SMURF2: variants seen among roughly 807,000 people sequenced by gnomAD.
SMURF2 encodes the protein SMAD specific E3 ubiquitin protein ligase 2, also known as E3 ubiquitin-protein ligase SMURF2.
Under a neutral mutation model 109.6 loss-of-function variants are expected in SMURF2, and 48 were observed. The ratio of observed to expected loss-of-function variants is 0.44; its 90% CI spans 0.35 to 0.56. SMURF2 has a LOEUF of 0.56. Among genes scored for constraint, SMURF2 ranks in the 20% least tolerant of loss-of-function variants. The pLI, the probability that SMURF2 is intolerant of heterozygous loss-of-function variation, is 0.01. For missense variants in SMURF2, 575 were observed against 909.0 expected (o/e 0.63, Z 4.72); for synonymous variants, 288 against 317.1 (o/e 0.91, Z 0.97).
chr17:64,564,017 C>T (rs1028223267), intron 10 of SMURF2, among the ~76,000 whole-genome samples: 1 of 152,088 alleles, frequency 6.6e-6, no homozygotes, highest in Non-Finnish European at 1.5e-5. Context: ...ATGTAAATAT[C>T]TAAAGAAGCT....
intron 8 of SMURF2, 46 bp from the exon 9 acceptor site, chr17:64,578,622 A>C: frequency 7.6e-7 from 1 of 1,323,334 alleles, no homozygotes; most frequent in Non-Finnish European, 1.1e-6. Flanking sequence ...CAGAGTGTCC[A>C]GATCAAAGAC....
intron 1 of SMURF2, among the ~76,000 whole-genome samples, chr17:64,625,971 C>T (rs1362953948): frequency 6.6e-6 from 1 of 152,056 alleles, no homozygotes; most frequent in Non-Finnish European, 1.5e-5. Context: ...CATTAAGAAC[C>T]TCATTAAAGA....
intron 16 of SMURF2, among the ~76,000 whole-genome samples, chr17:64,550,961 G>C (rs1278305500): frequency 5.3e-5 from 8 of 152,044 alleles, no homozygotes; most frequent in Admixed American, 1.3e-4. Flanking sequence ...CACTAAGTTA[G>C]GGAATAGACA....
chr17:64,583,536 T>C lies in SMURF2; in HGVS notation c.494A>G (p.Glu165Gly). 1 of 1,613,630 alleles carries C rather than the reference T, an allele frequency of 6.2e-7. No individual in the cohort carries two copies. Among genetic ancestry groups the C allele is most frequent in the Non-Finnish European group, 8.5e-7 (1 of 1,179,556 alleles). The part of the protein sequence containing the change: ...FDNDLPDGWE[E>G]RRTASGRIQY... ...GATTCTTCCAGAGGCGGTTCTCCTTTCTTCCCAGCTTAAATAAAAATATTG... is the reference window on the plus strand; with the variant it reads ...GATTCTTCCAGAGGCGGTTCTCCTTCCTTCCCAGCTTAAATAAAAATATTG... Residue 165 changes from glutamate to glycine, a missense_variant, in exon 7 of 19, where the codon GAA (glutamate) becomes GGA (glycine). By Grantham distance (98) the Glu-to-Gly change is moderately conservative. Transcript: ENST00000262435.
At chr17:64,636,151 T>A (rs902634799) in intron 1 of SMURF2, among the ~76,000 whole-genome samples, 2 of 152,340 alleles carry the variant, frequency 1.3e-5, no homozygotes, top group South Asian at 4.1e-4. Context: ...CTTTGCCCTT[T>A]TTTTTGAAAT....
At chr17:64,586,750 CAAAAAAAAAAAAAA>C (rs782490512) in intron 5 of SMURF2, among the ~76,000 whole-genome samples, 3 of 27,462 alleles carry the variant, frequency 1.1e-4, no homozygotes, top group Non-Finnish European at 2.3e-4. Flanking sequence ...GACTCCGTCT[CAAAAAAAAAAAAAA>C]AAAAAAAAAA....
chr17:64,643,049 G>A (rs182732419), intron 1 of SMURF2, among the ~76,000 whole-genome samples: 5 of 152,194 alleles, frequency 3.3e-5, no homozygotes, highest in Non-Finnish European at 7.4e-5. Context: ...CTTTGAGATA[G>A]GTTCTCGCTC....
intron 1 of SMURF2, among the ~76,000 whole-genome samples, chr17:64,659,853 G>A (rs1057069448): frequency 1.3e-5 from 2 of 152,128 alleles, no homozygotes; most frequent in Admixed American, 6.5e-5. Context: ...AAAGAAGGAA[G>A]GACAATGTTT....
rs552410830 is a variant in SMURF2 at position 64,623,020 on chromosome 17, A to G, written c.53-16380T>C. Among the ~76,000 whole-genome samples, 68 of 152,242 alleles carry G rather than the reference A, an allele frequency of 4.5e-4. No individual in the cohort carries two copies. The South Asian group carries it at 0.014, about 31-fold the overall frequency. On this transcript the variant is annotated intron_variant, in intron 1 of 18. Coordinates refer to ENST00000262435, the MANE Select transcript of SMURF2 (RefSeq NM_022739.4). ...TGCTCAAATTTTTCCAGCTTTGGCC[A>G]TTGGGAGCTCTTTCCATTGGTTCGT...
chr17:64,630,641 GT>G (rs1279010785), intron 1 of SMURF2, among the ~76,000 whole-genome samples: 2 of 152,178 alleles, frequency 1.3e-5, no homozygotes, highest in Admixed American at 6.5e-5. Context: ...TCCACCCAGA[GT>G]TGAAACAATT....
intron 5 of SMURF2, among the ~76,000 whole-genome samples, chr17:64,586,668 T>G (rs1290564660): frequency 1.4e-5 from 2 of 147,682 alleles, no homozygotes; most frequent in Non-Finnish European, 3.0e-5. Context: ...GGAGAATCGC[T>G]TGAACCTGGG....
chr17:64,547,477 T>A lies in SMURF2; in HGVS notation c.2071+123A>T. ...AGAAGAAGGTATCACAATGTGAGAGTCACAGATAAGAAGTGAAAAAGAGAA... is the reference window on the plus strand; with the variant it reads ...AGAAGAAGGTATCACAATGTGAGAGACACAGATAAGAAGTGAAAAAGAGAA... On this transcript the variant is annotated intron_variant, in intron 17 of 18. Transcript: ENST00000262435. This position sits in a 1 kb window ranked among gnomAD's most constrained non-coding sequence, Gnocchi z 4.2. 1 of 775,674 alleles carries A rather than the reference T, an allele frequency of 1.3e-6. No homozygotes were observed. Among genetic ancestry groups the A allele is most frequent in the Non-Finnish European group, 2.1e-6 (1 of 478,750 alleles). 48.0% of individuals were successfully genotyped at this position (775,674 alleles called of 1,614,324 possible). A position where few individuals can be genotyped will look rare whatever the true frequency, so the allele number is the denominator to read the frequency against.
At chr17:64,656,642 T>C (rs1472165692) in intron 1 of SMURF2, among the ~76,000 whole-genome samples, 1 of 151,258 alleles carries the variant, frequency 6.6e-6, no homozygotes, top group Admixed American at 6.6e-5. Flanking sequence ...ACTATTTTTA[T>C]GGAAGCATCC....
At chr17:64,557,830 G>A in intron 12 of SMURF2, 108 bp from the exon 13 acceptor site, 5 of 607,916 alleles carry the variant, frequency 8.2e-6, no homozygotes, top group African/African-American at 1.9e-5. Context: ...ATTAATAAAA[G>A]GCAAAAAAGC....
In SMURF2 at chr17:64,626,792, C is replaced by T. The variant is rs1342442874; in HGVS notation, c.53-20152G>A. Among the ~76,000 whole-genome samples, 14 of 152,006 alleles carry T rather than the reference C, an allele frequency of 9.2e-5. No homozygotes were observed. In the East Asian group the frequency reaches 2.7e-3, roughly 29 times the overall value. On this transcript the variant is annotated intron_variant, in intron 1 of 18. Coordinates refer to ENST00000262435, the MANE Select transcript of SMURF2 (RefSeq NM_022739.4). Reference sequence around the variant, plus strand: ...ACAAAACAAAACAAAACAAAACTTACCTGAACACAATCTCACTTTGTCATT... The same window carrying T: ...ACAAAACAAAACAAAACAAAACTTATCTGAACACAATCTCACTTTGTCATT...
In SMURF2 at chr17:64,543,020, T is replaced by A. The variant is rs191709164; in HGVS notation, c.*2828A>T. On this transcript the variant is annotated 3_prime_UTR_variant, in exon 19 of 19. Coordinates refer to ENST00000262435, the MANE Select transcript of SMURF2 (RefSeq NM_022739.4). ...CATTCATGATGGAAAGGCAAGAGTA[T>A]GAAAACAGATATCACATATCTGAAA... 6.6e-6 allele frequency: 1 copy of A among 151,924 alleles called. No individual in the cohort carries two copies. Among genetic ancestry groups the A allele is most frequent in the African/African-American group, 2.4e-5 (1 of 41,322 alleles). The allele number at this position is 151,924 out of a possible 1,614,324, so 9.4% of individuals were successfully genotyped here.
intron 11 of SMURF2, 92 bp from the exon 12 acceptor site, chr17:64,561,695 G>T: frequency 2.1e-6 from 2 of 960,628 alleles, no homozygotes; most frequent in Non-Finnish European, 3.1e-6. Context: ...AAAAACTCAA[G>T]TCTAAATAAG....
chr17:64,622,619 G>C (rs56352681), intron 1 of SMURF2, among the ~76,000 whole-genome samples: 3,699 of 152,158 alleles, frequency 0.024, 161 homozygotes, highest in African/African-American at 0.085. Context: ...TGAGTTGTTG[G>C]GAGGAAGACC....
intron 9 of SMURF2, among the ~76,000 whole-genome samples, chr17:64,577,889 T>C (rs1345318787): frequency 6.6e-6 from 1 of 151,596 alleles, no homozygotes; most frequent in Non-Finnish European, 1.5e-5. Flanking sequence ...GCCACCTGCT[T>C]GGTGCCCTAG....
Sources: allele counts gnomAD v4.1 joint callset (sites outside exome capture counted in the v4.1 genomes callset), GRCh38; gene constraint gnomAD v4.1.1; non-coding constraint Gnocchi (gnomAD v3.1); transcripts MANE v1.5; gene names NCBI Gene and HGNC (gene_info 2026-07-23, HGNC 2026-07-21).